Variants in WWOX observed in about 807,000 individuals in gnomAD.
WWOX encodes WW domain containing oxidoreductase.
Under a neutral mutation model 46.2 loss-of-function variants are expected in WWOX, and 69 were observed. The observed-to-expected ratio is 1.49, with a 90% CI of 1.23 to 1.82. WWOX has a LOEUF of 1.82. Ranked by LOEUF, WWOX falls within the 40% of genes most tolerant of loss-of-function variation. The pLI, the probability that WWOX is intolerant of heterozygous loss-of-function variation, is 0.00. For synonymous variants in WWOX, 359 were observed against 202.6 expected (o/e 1.77, Z -6.56); for missense variants, 919 against 542.6 (o/e 1.69, Z -6.89).
At chr16:79,014,731 T>C (rs1039274474) in intron 8 of WWOX, among the ~76,000 whole-genome samples, 1 of 152,244 alleles carries the variant, frequency 6.6e-6, no homozygotes, top group African/African-American at 2.4e-5. Context: ...AGTCACTTTC[T>C]GGAGTGTACA....
chr16:78,557,651 C>T (rs540190389), intron 8 of WWOX, among the ~76,000 whole-genome samples: 14 of 149,782 alleles, frequency 9.3e-5, no homozygotes, highest in African/African-American at 3.0e-4. Context: ...TCATTTTGCC[C>T]GGAAATGCGA....
At chr16:79,118,648 T>C (rs1012595667) in intron 8 of WWOX, among the ~76,000 whole-genome samples, 10 of 152,212 alleles carry the variant, frequency 6.6e-5, no homozygotes, top group Non-Finnish European at 1.0e-4. Context: ...CTTAAAAATA[T>C]TTAAAAAGAA....
At chr16:78,664,570 T>G (rs555316922) in intron 8 of WWOX, among the ~76,000 whole-genome samples, 1 of 152,208 alleles carries the variant, frequency 6.6e-6, no homozygotes, top group African/African-American at 2.4e-5. Context: ...GTGAGCAGAG[T>G]GAAGAGCTGG....
At chr16:78,710,505 T>TATATATATATATATATAA (rs1567507599) in intron 8 of WWOX, among the ~76,000 whole-genome samples, 1 of 140,024 alleles carries the variant, frequency 7.1e-6, no homozygotes, top group African/African-American at 2.6e-5. Flanking sequence ...TATATTTATA[T>TATATATATATATATATAA]AAATATATTT....
chr16:78,702,807 T>G (rs917040413), intron 8 of WWOX, among the ~76,000 whole-genome samples: 1 of 152,188 alleles, frequency 6.6e-6, no homozygotes, highest in Non-Finnish European at 1.5e-5. Context: ...AAGCTCTGTG[T>G]GCTGCGGGTC....
chr16:78,666,633 C>G (rs919861747), intron 8 of WWOX, among the ~76,000 whole-genome samples: 1 of 152,146 alleles, frequency 6.6e-6, no homozygotes, highest in Admixed American at 6.5e-5. Context: ...GCAGACAAAA[C>G]AAGATCTGCT....
chr16:78,553,709 T>C (rs1301402267), intron 8 of WWOX, among the ~76,000 whole-genome samples: 1 of 151,828 alleles, frequency 6.6e-6, no homozygotes, highest in Non-Finnish European at 1.5e-5. Context: ...CCCTAGAAGG[T>C]CTGTGAGGGA....
At chr16:78,937,262 A>G (rs1366864989) in intron 8 of WWOX, among the ~76,000 whole-genome samples, 1 of 152,114 alleles carries the variant, frequency 6.6e-6, no homozygotes, top group African/African-American at 2.4e-5. Context: ...AAGTGACCCA[A>G]ATAATACAAG....
At chr16:78,234,424 C>A (rs1259169666) in intron 5 of WWOX, among the ~76,000 whole-genome samples, 1 of 151,858 alleles carries the variant, frequency 6.6e-6, no homozygotes, top group Non-Finnish European at 1.5e-5. Flanking sequence ...TAGTGTGGGC[C>A]CCAGACTTTC....
intron 8 of WWOX, among the ~76,000 whole-genome samples, chr16:78,861,723 G>C (rs1370939339): frequency 6.6e-6 from 1 of 152,046 alleles, no homozygotes; most frequent in Non-Finnish European, 1.5e-5. Flanking sequence ...TTGAATTCCA[G>C]GTAAAAACCT....
chr16:78,668,292 C>G (rs182208524), intron 8 of WWOX, among the ~76,000 whole-genome samples: 1 of 152,060 alleles, frequency 6.6e-6, no homozygotes, highest in African/African-American at 2.4e-5. Flanking sequence ...AACAAACAAA[C>G]AAAAAACATA....
At chr16:78,831,404 A>T (rs907245102) in intron 8 of WWOX, among the ~76,000 whole-genome samples, 1 of 152,238 alleles carries the variant, frequency 6.6e-6, no homozygotes, top group Non-Finnish European at 1.5e-5. Flanking sequence ...GTTCATGTAA[A>T]TGTAAAAATG....
At chr16:78,536,032 C>T (rs1181940369) in intron 8 of WWOX, among the ~76,000 whole-genome samples, 1 of 152,140 alleles carries the variant, frequency 6.6e-6, no homozygotes, top group Non-Finnish European at 1.5e-5. Context: ...CTGTGGGAGC[C>T]ATAATGGAGT....
chr16:78,548,530 A>C (rs1176219803), intron 8 of WWOX, among the ~76,000 whole-genome samples: 1 of 152,210 alleles, frequency 6.6e-6, no homozygotes, highest in African/African-American at 2.4e-5. Context: ...TTAACAGTAC[A>C]TCACTGCCTC....
intron 8 of WWOX, among the ~76,000 whole-genome samples, chr16:79,033,216 ATT>A (rs398070845): frequency 1.4e-5 from 2 of 147,232 alleles, no homozygotes; most frequent in African/African-American, 4.9e-5. Context: ...GTATATATAT[ATT>A]TGTTAGGGTA....
intron 3 of WWOX, among the ~76,000 whole-genome samples, chr16:78,113,073 G>A (rs1052455388): frequency 2.0e-5 from 3 of 152,078 alleles, no homozygotes; most frequent in Non-Finnish European, 2.9e-5. Context: ...TTGCATTCAC[G>A]CTTGGAAAGT....
chr16:79,035,223 G>A (rs1380979748), intron 8 of WWOX, among the ~76,000 whole-genome samples: 2 of 152,124 alleles, frequency 1.3e-5, no homozygotes, highest in African/African-American at 2.4e-5. Context: ...ACAATAAGAC[G>A]TAGAAAACAA....
chr16:78,403,823 T>C (rs1413346423), intron 6 of WWOX, among the ~76,000 whole-genome samples: 1 of 152,212 alleles, frequency 6.6e-6, no homozygotes, highest in Admixed American at 6.5e-5. Flanking sequence ...TCACTCAAGT[T>C]TCCTGGATAC....
chr16:79,075,265 A>G (rs1209933655), intron 8 of WWOX, among the ~76,000 whole-genome samples: 1 of 152,194 alleles, frequency 6.6e-6, no homozygotes, highest in African/African-American at 2.4e-5. Flanking sequence ...AGAGTTACTT[A>G]TTCTACATTC....
Sources: allele counts gnomAD v4.1 joint callset (sites outside exome capture counted in the v4.1 genomes callset), GRCh38; gene constraint gnomAD v4.1.1; transcripts MANE v1.5; gene names NCBI Gene and HGNC (gene_info 2026-07-23, HGNC 2026-07-21).